DTNA: variants seen among roughly 807,000 people sequenced by gnomAD.
DTNA encodes the protein dystrobrevin alpha.
In DTNA, 43 loss-of-function variants were observed where a neutral mutation model predicts 100.7. The ratio of observed to expected loss-of-function variants is 0.43; its 90% CI spans 0.33 to 0.55. DTNA has a LOEUF of 0.55. DTNA is among the 20% of genes least tolerant of loss of function. The pLI, the probability that DTNA is intolerant of heterozygous loss-of-function variation, is 0.04. For missense variants in DTNA, 798 were observed against 953.9 expected (o/e 0.84, Z 2.15); for synonymous variants, 349 against 347.9 (o/e 1.00, Z -0.04).
At chr18:34,867,333 A>G (rs1603302331) in intron 17 of DTNA, 1 of 1,230,384 alleles carries the variant, frequency 8.1e-7, no homozygotes, top group East Asian at 3.2e-5. Context: ...ATAATGTATT[A>G]CATTATTTTG....
intron 1 of DTNA, among the ~76,000 whole-genome samples, chr18:34,616,087 C>A (rs748528879): frequency 7.2e-5 from 11 of 152,118 alleles, no homozygotes; most frequent in Non-Finnish European, 1.5e-4. Context: ...AATTTATATT[C>A]CTTTGGGTGT....
chr18:34,668,979 C>G (rs1054304448), intron 1 of DTNA, among the ~76,000 whole-genome samples: 1 of 152,066 alleles, frequency 6.6e-6, no homozygotes, highest in African/African-American at 2.4e-5. Context: ...CCTGGATATC[C>G]TTGTTAACTT....
chr18:34,767,934 C>T (rs887571055), intron 3 of DTNA, among the ~76,000 whole-genome samples: 1 of 152,184 alleles, frequency 6.6e-6, no homozygotes, highest in Admixed American at 6.5e-5. Context: ...AAAAGCATTA[C>T]AGATGTTGAA....
In DTNA at chr18:34,888,407, T is replaced by C. The variant is rs1397799734; in HGVS notation, c.*673T>C. The C allele has an allele frequency of 4.1e-6, 4 of 985,722 alleles. No individual in the cohort carries two copies. In the East Asian group the frequency reaches 4.5e-4, roughly 112 times the overall value. The allele number at this position is 985,722 out of a possible 1,614,324, so 61.1% of individuals were successfully genotyped here. A position where few individuals can be genotyped will look rare whatever the true frequency, so the allele number is the denominator to read the frequency against. ...TGCACGGTCTGTAGTTGACTCCAAG[T>C]CTCTGTGAGCAGTGACTTGAACCAA... On this transcript the variant is annotated 3_prime_UTR_variant, in exon 23 of 23. Coordinates refer to ENST00000444659, the MANE Select transcript of DTNA (RefSeq NM_001386795.1).
At chr18:34,605,287 A>G (rs1050690039) in intron 1 of DTNA, among the ~76,000 whole-genome samples, 2 of 152,122 alleles carry the variant, frequency 1.3e-5, no homozygotes, top group African/African-American at 4.8e-5. Flanking sequence ...ATATTTGTAA[A>G]AAAACAAAAA....
intron 21 of DTNA, among the ~76,000 whole-genome samples, chr18:34,883,396 C>G (rs542810193): frequency 2.6e-5 from 4 of 152,088 alleles, no homozygotes; most frequent in African/African-American, 9.6e-5. Context: ...ACTGCAGCCT[C>G]TAACTCCTGG....
At chr18:34,573,832 T>G (rs2047840173) in intron 1 of DTNA, among the ~76,000 whole-genome samples, 1 of 152,216 alleles carries the variant, frequency 6.6e-6, no homozygotes, top group Non-Finnish European at 1.5e-5. Context: ...TTGCGTATCC[T>G]TTGACCAATC....
At chr18:34,604,325 CA>C (rs1171131652) in intron 1 of DTNA, among the ~76,000 whole-genome samples, 1 of 151,984 alleles carries the variant, frequency 6.6e-6, no homozygotes, top group African/African-American at 2.4e-5. Flanking sequence ...CTTTCTGTAC[CA>C]TAGAAAGAGA....
intron 1 of DTNA, among the ~76,000 whole-genome samples, chr18:34,512,965 A>G (rs2041240398): frequency 6.6e-6 from 1 of 152,132 alleles, no homozygotes; most frequent in African/African-American, 2.4e-5. Context: ...GACCACTGCT[A>G]TAATCAAGAT....
chr18:34,592,507 T>G (rs2049854963), intron 1 of DTNA, among the ~76,000 whole-genome samples: 1 of 112,094 alleles, frequency 8.9e-6, no homozygotes, highest in African/African-American at 4.4e-5. Context: ...CACACACACA[T>G]TTTGTTTTCC....
intron 1 of DTNA, among the ~76,000 whole-genome samples, chr18:34,584,813 A>G (rs1046083171): frequency 6.6e-6 from 1 of 152,134 alleles, no homozygotes; most frequent in African/African-American, 2.4e-5. Context: ...CAGAGAGAAG[A>G]AGGAGGGAGG....
intron 1 of DTNA, among the ~76,000 whole-genome samples, chr18:34,698,220 T>G (rs1232643036): frequency 6.6e-6 from 1 of 152,226 alleles, no homozygotes; most frequent in Non-Finnish European, 1.5e-5. Context: ...GAAGAGACTT[T>G]TCCCAGAAAC....
At chr18:34,611,501 A>C (rs531834247) in intron 1 of DTNA, among the ~76,000 whole-genome samples, 1 of 152,316 alleles carries the variant, frequency 6.6e-6, no homozygotes, top group South Asian at 2.1e-4. Context: ...GTTCAGAAGA[A>C]TCATGTATTC....
intron 3 of DTNA, among the ~76,000 whole-genome samples, chr18:34,784,145 G>A: frequency 6.6e-6 from 1 of 152,142 alleles, no homozygotes; most frequent in East Asian, 1.9e-4. Context: ...CTAAAGAACA[G>A]CCCGGGTTTC....
intron 1 of DTNA, among the ~76,000 whole-genome samples, chr18:34,577,384 T>C (rs74676976): frequency 6.6e-6 from 1 of 152,294 alleles, no homozygotes; most frequent in Non-Finnish European, 1.5e-5. Context: ...AAACAGCATG[T>C]AGTTTGGTCT....
At chr18:34,575,544 T>C (rs1399290290) in intron 1 of DTNA, among the ~76,000 whole-genome samples, 1 of 150,306 alleles carries the variant, frequency 6.7e-6, no homozygotes, top group African/African-American at 2.4e-5. Context: ...AATTTCAACC[T>C]CCTTTTTTTC....
intron 17 of DTNA, chr18:34,866,994 A>G: frequency 1.7e-6 from 2 of 1,206,256 alleles, no homozygotes; most frequent in Middle Eastern, 3.2e-4. Flanking sequence ...AAAAAAAACA[A>G]ATTAAATTAA....
At chr18:34,778,029 T>C (rs1297475503) in intron 3 of DTNA, among the ~76,000 whole-genome samples, 1 of 152,160 alleles carries the variant, frequency 6.6e-6, no homozygotes, top group Non-Finnish European at 1.5e-5. Context: ...AACCTATGAC[T>C]AGAAGGCCAT....
At chr18:34,790,567 A>ATATATATATATATTTTTTTTTT (rs2094687460) in intron 3 of DTNA, among the ~76,000 whole-genome samples, 1 of 39,654 alleles carries the variant, frequency 2.5e-5, no homozygotes, top group African/African-American at 9.1e-5. Flanking sequence ...ATATATATAT[A>ATATATATATATATTTTTTTTTT]TTTTTTTTTT....
Sources: allele counts gnomAD v4.1 joint callset (sites outside exome capture counted in the v4.1 genomes callset), GRCh38; gene constraint gnomAD v4.1.1; transcripts MANE v1.5; gene names NCBI Gene and HGNC (gene_info 2026-07-23, HGNC 2026-07-21).